Variants in COL5A3 observed in about 807,000 individuals in gnomAD.
COL5A3 encodes collagen alpha-3(V) chain.
COL5A3 carries 172 observed loss-of-function variants against 250.0 expected under a neutral mutation model. The observed-to-expected ratio is 0.69, with a 90% CI of 0.61 to 0.78. The LOEUF is 0.78. Ranked by LOEUF, COL5A3 falls within the 30% of genes least tolerant of loss-of-function variation. COL5A3 has a pLI of 0.00. For synonymous variants in COL5A3, 937 were observed against 900.4 expected (o/e 1.04, Z -0.73); for missense variants, 2,340 against 2,334.4 (o/e 1.00, Z -0.05).
intron 30 of COL5A3, 42 bp from the exon 31 acceptor site, chr19:9,985,937 G>GGGGCCGGGC: frequency 6.3e-7 from 1 of 1,588,488 alleles, no homozygotes; most frequent in Non-Finnish European, 8.6e-7. Flanking sequence ...ATTGCAACCT[G>GGGGCCGGGC]GAGGTCAGAG....
At chr19:9,984,636 T>A (rs2087069224) in intron 31 of COL5A3, among the ~76,000 whole-genome samples, 1 of 152,146 alleles carries the variant, frequency 6.6e-6, no homozygotes, top group African/African-American at 2.4e-5. Flanking sequence ...ATTGTCATCA[T>A]CAGCATTATC....
At chr19:9,971,331 T>C in intron 51 of COL5A3, 73 bp from the exon 52 acceptor site, 1 of 1,183,320 alleles carries the variant, frequency 8.5e-7, no homozygotes, top group South Asian at 1.5e-5. Flanking sequence ...ACAGATCAAC[T>C]GTATCCAGGA....
intron 64 of COL5A3, among the ~76,000 whole-genome samples, chr19:9,965,279 C>T (rs1170726265): frequency 4.6e-5 from 7 of 151,046 alleles, no homozygotes; most frequent in Non-Finnish European, 7.4e-5. Context: ...CTCAGCCTCC[C>T]GAGTAGCTGG....
At chr19:9,977,915 A>G (rs2086946216) in intron 41 of COL5A3, among the ~76,000 whole-genome samples, 1 of 148,588 alleles carries the variant, frequency 6.7e-6, no homozygotes. Context: ...TCTCACTTAG[A>G]ACAAAAGCCA....
rs2087368793 is a variant in COL5A3, at chr19:10,001,865, G to C, written c.866C>G (p.Pro289Arg). The C allele has an allele frequency of 6.2e-7, 1 of 1,613,890 alleles. No individual in the cohort carries two copies. Among genetic ancestry groups the C allele is most frequent in the African/African-American group, 1.3e-5 (1 of 74,898 alleles). Reference protein sequence around the residue: ...SAENQTSTDIPKTETPAPNLP... With the variant: ...SAENQTSTDIRKTETPAPNLP... ...ATTTGGAGCTGGAGTCTCTGTCTTG[G>C]GGATGTCAGTGGAGGTCTGGAGCAG... Residue 289 changes from proline (P) to arginine (R), a missense_variant, in exon 7 of 67, where the codon CCC (proline) becomes CGC (arginine). By Grantham distance (103) the Pro-to-Arg change is moderately radical. Coordinates refer to ENST00000264828, the MANE Select transcript of COL5A3 (RefSeq NM_015719.4).
rs192054556 is a variant in COL5A3, at chr19:9,963,792, G to A, written c.4783-905C>T. 2.2e-4 allele frequency among the ~76,000 whole-genome samples: 33 copies of A among 152,238 alleles called. No homozygotes were observed. In the East Asian group the frequency reaches 5.2e-3, roughly 24 times the overall value. ...GATCAAGTCTTGCACTCCGGGCCCA[G>A]TGGGAAGTCCAAGCTTGTCTAAATT... On this transcript the variant is annotated intron_variant, in intron 64 of 66. Coordinates refer to ENST00000264828, the MANE Select transcript of COL5A3 (RefSeq NM_015719.4).
chr19:9,993,267 T>C, intron 19 of COL5A3, 113 bp downstream of exon 19: 1 of 1,267,426 alleles, frequency 7.9e-7, no homozygotes, highest in Non-Finnish European at 1.1e-6. Flanking sequence ...ACCCCACAAT[T>C]TGTCCCTAGC....
At chr19:10,001,134 A>T (rs185851641) in intron 8 of COL5A3, among the ~76,000 whole-genome samples, 2 of 151,914 alleles carry the variant, frequency 1.3e-5, no homozygotes, top group Non-Finnish European at 2.9e-5. Context: ...AAATTAAATA[A>T]TTTTTTTAAA....
At chr19:9,987,141 A>G (rs1320373832) in intron 27 of COL5A3, among the ~76,000 whole-genome samples, 1 of 152,150 alleles carries the variant, frequency 6.6e-6, no homozygotes, top group Non-Finnish European at 1.5e-5. Context: ...CAACAAGATG[A>G]CCTCTGTGCT....
rs1299445527 is a variant in COL5A3 at position 9,991,603 on chromosome 19, C to A, written c.1992+7G>T. 6.3e-7 allele frequency: 1 copy of A among 1,588,062 alleles called. No individual in the cohort carries two copies. ...AGGAGGTCGCGGTAGGTGGAGCTGT[C>A]ACTCACCTTCTCCCCAGGAGTGCCA... On this transcript the variant is annotated splice_region_variant and intron_variant, in intron 24 of 66. Coordinates refer to ENST00000264828, the MANE Select transcript of COL5A3 (RefSeq NM_015719.4).
chr19:9,997,631 T>C (rs1343864009), intron 10 of COL5A3, among the ~76,000 whole-genome samples, 198 bp from the exon 11 acceptor site: 1 of 152,032 alleles, frequency 6.6e-6, no homozygotes, highest in Admixed American at 6.6e-5. Flanking sequence ...AGAGACGGTC[T>C]CACTCTGTCA....
chr19:9,977,608 T>C lies in COL5A3; in HGVS notation c.3112A>G (p.Lys1038Glu), dbSNP rs1236514302. The C allele has an allele frequency of 5.0e-6, 8 of 1,595,642 alleles. No homozygotes were observed. The South Asian group carries it at 9.1e-5, about 18-fold the overall frequency. ...AAGTCACTTACCCGGGACCCCTTCT[T>C]GCCTGCAGGGCCAACGGGGCCTTCG... The part of the protein sequence containing the change: ...GSEGPVGPAG[K>E]KGSRGERGPP... Residue 1038 changes from lysine to glutamate, a missense_variant, in exon 42 of 67, where the codon AAG becomes GAG. Physicochemically the swap from Lys to Glu is moderately conservative, Grantham distance 56 (BLOSUM62 1). Transcript: ENST00000264828.
intron 37 of COL5A3, 103 bp from the exon 38 acceptor site, chr19:9,979,520 T>C: frequency 7.8e-7 from 1 of 1,279,316 alleles, no homozygotes. Flanking sequence ...GCCGGTCCGG[T>C]GGCTCACGCC....
chr19:9,993,216 G>T (rs11672571), intron 19 of COL5A3, 149 bp from the exon 20 acceptor site: 3 of 1,120,914 alleles, frequency 2.7e-6, no homozygotes, highest in South Asian at 1.4e-5. Flanking sequence ...TTCCATTCAG[G>T]CCCCTGACTC....
intron 11 of COL5A3, 111 bp from the exon 12 acceptor site, chr19:9,996,800 G>T: frequency 1.4e-6 from 1 of 738,088 alleles, no homozygotes. Flanking sequence ...AGGGAGAGAT[G>T]GAGAGAGACA....
rs71188867 is a variant in COL5A3 at position 9,972,304 on chromosome 19, T to TTCACTCGTTCATCCATTCAC, written c.3774+595_3774+614dup. Reference sequence around the variant, plus strand: ...ATTCATTCCCTCGTTCATCCATTCATTCACTCGTTCATCCATTCACTCACT... The same window carrying TTCACTCGTTCATCCATTCAC: ...ATTCATTCCCTCGTTCATCCATTCATTCACTCGTTCATCCATTCACTCACTCGTTCATCCATTCACTCACT... On this transcript the variant is annotated intron_variant, in intron 51 of 66. Transcript: ENST00000264828. Among the ~76,000 whole-genome samples the TTCACTCGTTCATCCATTCAC allele has an allele frequency of 1.3e-4, 20 of 151,672 alleles. 1 individual carries two copies. The highest frequency in any genetic ancestry group is 3.6e-4 in the African/African-American group (15 of 41,256).
At position 9,992,829 on chromosome 19, in the gene COL5A3, G is replaced by A; in HGVS notation, c.1846C>T (p.Pro616Ser). Residue 616 changes from proline (P) to serine (S), a missense_variant and splice_region_variant, in exon 21 of 67, where the codon CCG (proline) becomes TCG (serine). This residue lies in a region of COL5A3 where 1,152 missense variants were observed against 1,146.3 expected (regional missense o/e 1.00). Transcript: ENST00000264828. The stretch of plus-strand genomic sequence containing the variant: ...TGCAGAGAGCCAGTGACACTCACCG[G>A]GCGACCCGTGGGGCCAGGAGAGCCT... ...PRGSPGPTGR[P>S]GVTGIDGAPG... 1 of 1,613,912 alleles carries A rather than the reference G, an allele frequency of 6.2e-7. No individual in the cohort carries two copies. Among genetic ancestry groups the A allele is most frequent in the Non-Finnish European group, 8.5e-7 (1 of 1,179,906 alleles).
At position 9,977,295 on chromosome 19, in the gene COL5A3, T is replaced by G; in HGVS notation, c.3235-13A>C. 1 of 1,613,876 alleles carries G rather than the reference T, an allele frequency of 6.2e-7. No individual in the cohort carries two copies. Among genetic ancestry groups the G allele is most frequent in the Non-Finnish European group, 8.5e-7 (1 of 1,179,896 alleles). On this transcript the variant is annotated splice_polypyrimidine_tract_variant and intron_variant, in intron 43 of 66. Transcript: ENST00000264828. The stretch of plus-strand genomic sequence containing the variant: ...CACCCACATCCCCCTGCAGAGGAAA[T>G]GGGATGAAGGACCCAGCTTCCATTC...
At chr19:9,973,671 A>G in intron 49 of COL5A3, 48 bp from the exon 50 acceptor site, 1 of 1,610,998 alleles carries the variant, frequency 6.2e-7, no homozygotes, top group Non-Finnish European at 8.5e-7. Context: ...CCTAGCAGAC[A>G]GGGAGGGGCT....
Sources: allele counts gnomAD v4.1 joint callset (sites outside exome capture counted in the v4.1 genomes callset), GRCh38; gene constraint gnomAD v4.1.1; regional missense constraint gnomAD v4.1.1; transcripts MANE v1.5; gene names NCBI Gene and HGNC (gene_info 2026-07-23, HGNC 2026-07-21).